Variants in MYO5B observed in about 807,000 individuals in gnomAD.
MYO5B encodes the protein myosin VB.
MYO5B carries 143 observed loss-of-function variants against 229.3 expected under a neutral mutation model. The observed-to-expected ratio is 0.62, with a 90% CI of 0.54 to 0.72. The LOEUF is 0.72. Ranked by LOEUF, MYO5B falls within the 30% of genes least tolerant of loss-of-function variation. The pLI is 0.00. For missense variants in MYO5B, 2,321 were observed against 2,331.0 expected, an observed-to-expected ratio of 1.00 and a Z score of 0.09; for synonymous variants, 918 against 885.2, an observed-to-expected ratio of 1.04 and a Z score of -0.66.
intron 14 of MYO5B, among the ~76,000 whole-genome samples, chr18:49,940,364 C>A (rs1029527261): frequency 1.3e-5 from 2 of 152,126 alleles, no homozygotes; most frequent in East Asian, 1.9e-4. Context: ...GTGCTGGTGG[C>A]ATACTAGAAC....
intron 1 of MYO5B, among the ~76,000 whole-genome samples, chr18:50,059,559 T>C (rs1395260413): frequency 6.6e-6 from 1 of 152,194 alleles, no homozygotes; most frequent in Non-Finnish European, 1.5e-5. Context: ...CTAGTAAATA[T>C]TGGGCACAAG....
chr18:49,910,503 C>G (rs1324080946), intron 18 of MYO5B, among the ~76,000 whole-genome samples: 1 of 151,844 alleles, frequency 6.6e-6, no homozygotes, highest in East Asian at 1.9e-4. Flanking sequence ...GCAAAAACCT[C>G]AATCAACTGG....
intron 1 of MYO5B, among the ~76,000 whole-genome samples, chr18:50,123,712 AAAGTT>A (rs1378042051): frequency 3.9e-5 from 6 of 152,156 alleles, no homozygotes; most frequent in Admixed American, 3.3e-4. Context: ...TGTCTCAAAA[AAAGTT>A]AAGGCTCTAT....
chr18:49,932,691 A>AAAC (rs2025206861), intron 16 of MYO5B, among the ~76,000 whole-genome samples: 2 of 152,150 alleles, frequency 1.3e-5, no homozygotes, highest in South Asian at 2.1e-4. Context: ...ACAAACAAAA[A>AAAC]AACAAGAAGA....
chr18:49,892,371 C>T (rs1037123578), intron 22 of MYO5B, among the ~76,000 whole-genome samples: 1 of 152,190 alleles, frequency 6.6e-6, no homozygotes, highest in African/African-American at 2.4e-5. Flanking sequence ...CTTGGCCTCC[C>T]ACAGGCCAAG....
At chr18:50,110,869 A>G (rs184337772) in intron 1 of MYO5B, among the ~76,000 whole-genome samples, 7 of 152,344 alleles carry the variant, frequency 4.6e-5, no homozygotes, top group Admixed American at 3.3e-4. Flanking sequence ...GAAAGCAGGC[A>G]AACACCTACA....
chr18:49,856,290 G>A (rs1182070965), intron 30 of MYO5B, among the ~76,000 whole-genome samples: 3 of 152,220 alleles, frequency 2.0e-5, no homozygotes, highest in Non-Finnish European at 2.9e-5. Context: ...CACTGCACTT[G>A]GCTGCCATCA....
At chr18:49,936,165 C>A (rs1052646576) in intron 16 of MYO5B, 87 bp downstream of exon 16, 10 of 1,160,920 alleles carry the variant, frequency 8.6e-6, no homozygotes, top group Non-Finnish European at 1.3e-5. Flanking sequence ...CTGAAGGCCA[C>A]AGACCCCCAG....
At chr18:50,042,568 AGGT>A (rs2030052269) in intron 2 of MYO5B, among the ~76,000 whole-genome samples, 1 of 152,200 alleles carries the variant, frequency 6.6e-6, no homozygotes, top group Admixed American at 6.5e-5. Flanking sequence ...AATTTCCAAA[AGGT>A]GGGAACAGGG....
chr18:50,155,853 C>G (rs2032670084), intron 1 of MYO5B, among the ~76,000 whole-genome samples: 1 of 152,160 alleles, frequency 6.6e-6, no homozygotes, highest in African/African-American at 2.4e-5. Flanking sequence ...CACAGTGGCA[C>G]CGAAGATGAC....
chr18:50,059,332 G>A (rs1449119971), intron 1 of MYO5B, among the ~76,000 whole-genome samples: 1 of 152,106 alleles, frequency 6.6e-6, no homozygotes, highest in Non-Finnish European at 1.5e-5. Flanking sequence ...TATTTAGTTG[G>A]GTCGATAACT....
intron 10 of MYO5B, among the ~76,000 whole-genome samples, chr18:49,970,582 G>A (rs1598920792): frequency 6.6e-6 from 1 of 152,212 alleles, no homozygotes; most frequent in African/African-American, 2.4e-5. Flanking sequence ...ATAGAAAGAA[G>A]TGAGTGTGTA....
chr18:50,113,182 A>G (rs955627160), intron 1 of MYO5B, among the ~76,000 whole-genome samples: 1 of 151,320 alleles, frequency 6.6e-6, no homozygotes, highest in East Asian at 1.9e-4. Context: ...ATATTTGCTC[A>G]GTACCTGTAG....
At chr18:49,894,691 A>G (rs2024756815) in intron 22 of MYO5B, among the ~76,000 whole-genome samples, 1 of 152,226 alleles carries the variant, frequency 6.6e-6, no homozygotes, top group Admixed American at 6.5e-5. Flanking sequence ...CAATGCTCAC[A>G]GGCAGACACC....
chr18:49,913,738 C>T (rs1220301422), intron 17 of MYO5B, among the ~76,000 whole-genome samples: 5 of 152,026 alleles, frequency 3.3e-5, no homozygotes, highest in Non-Finnish European at 5.9e-5. Context: ...CAAAAAGTTG[C>T]CTTTTGGCCC....
At chr18:50,042,150 A>G (rs2030036538) in intron 2 of MYO5B, among the ~76,000 whole-genome samples, 1 of 152,212 alleles carries the variant, frequency 6.6e-6, no homozygotes. Flanking sequence ...GGCAATACCT[A>G]AATCAGAATT....
Position 49,824,988 on chromosome 18 carries a change from G to GTGT in MYO5B, c.*1480_*1482dup, listed in dbSNP as rs2023824399. The GTGT allele has an allele frequency of 6.6e-6, 1 of 152,274 alleles. No individual in the cohort carries two copies. The allele number at this position is 152,274 out of a possible 1,614,324, so 9.4% of individuals were successfully genotyped here. ...TGCAGAAGGTAGCGTGGAGTGTGCT[G>GTGT]TGTTTCCAAGAGCCTTTTAAGTTGG... On this transcript the variant is annotated 3_prime_UTR_variant, in exon 40 of 40. Transcript: ENST00000285039.
intron 14 of MYO5B, among the ~76,000 whole-genome samples, chr18:49,951,528 A>G (rs1306089646): frequency 6.6e-6 from 1 of 152,234 alleles, no homozygotes; most frequent in African/African-American, 2.4e-5. Context: ...CAGCTCAGCT[A>G]TTAATAAAAG....
At chr18:50,017,420 C>A (rs1244079554) in intron 4 of MYO5B, among the ~76,000 whole-genome samples, 1 of 152,194 alleles carries the variant, frequency 6.6e-6, no homozygotes, top group Admixed American at 6.5e-5. Flanking sequence ...CCACTGCGCC[C>A]GGCTACCTTA....
Sources: allele counts gnomAD v4.1 joint callset (sites outside exome capture counted in the v4.1 genomes callset), GRCh38; gene constraint gnomAD v4.1.1; transcripts MANE v1.5; gene names NCBI Gene and HGNC (gene_info 2026-07-23, HGNC 2026-07-21).